The following SETDB1 variants were observed in gnomAD, a reference collection of about 807,000 sequenced individuals.
SETDB1 encodes histone-lysine N-methyltransferase SETDB1.
A neutral mutation model predicts 137.4 loss-of-function variants in SETDB1; 31 were observed. The observed-to-expected ratio is 0.23, with a 90% CI of 0.17 to 0.30. The LOEUF is 0.30. Ranked by LOEUF, SETDB1 falls within the 10% of genes least tolerant of loss-of-function variation. SETDB1 has a pLI of 1.00. For missense variants in SETDB1, 1,113 were observed against 1,631.5 expected, an observed-to-expected ratio of 0.68 and a Z score of 5.47; for synonymous variants, 548 against 579.9, an observed-to-expected ratio of 0.95 and a Z score of 0.79.
At chr1:150,935,576 T>A (rs1669920482) in intron 3 of SETDB1, among the ~76,000 whole-genome samples, 1 of 152,178 alleles carries the variant, frequency 6.6e-6, no homozygotes, top group African/African-American at 2.4e-5. Context: ...TTGGATAATT[T>A]CTCTATATGG....
chr1:150,932,375 G>A (rs748912704), intron 3 of SETDB1, among the ~76,000 whole-genome samples: 2 of 152,080 alleles, frequency 1.3e-5, no homozygotes. Context: ...TCCCTCCTCT[G>A]AGTTTGTATG....
At chr1:150,931,282 G>T (rs2867295) in intron 3 of SETDB1, among the ~76,000 whole-genome samples, 1 of 113,778 alleles carries the variant, frequency 8.8e-6, no homozygotes, top group Non-Finnish European at 1.8e-5. Context: ...AAAAAAAAAA[G>T]GGTTTCCAGA....
intron 17 of SETDB1, 74 bp from the exon 18 acceptor site, chr1:150,962,513 T>C (rs111631860): frequency 0.011 from 16,246 of 1,489,610 alleles, 108 homozygotes; most frequent in Middle Eastern, 0.013. Flanking sequence ...CAAATCTGCC[T>C]TCTCTCAAAC....
intron 4 of SETDB1, 98 bp downstream of exon 4, chr1:150,940,072 A>T: frequency 1.2e-6 from 1 of 809,100 alleles, no homozygotes; most frequent in Non-Finnish European, 2.1e-6. Flanking sequence ...TCAGTATCTA[A>T]TCATTCACCC....
chr1:150,962,011 C>T, intron 16 of SETDB1, 119 bp from the exon 17 acceptor site: 2 of 1,236,542 alleles, frequency 1.6e-6, no homozygotes, highest in South Asian at 2.4e-5. Context: ...ACCCACCCCA[C>T]TTTAGAATGT....
chr1:150,930,703 AATTTTTGT>A (rs1359073081), intron 3 of SETDB1, among the ~76,000 whole-genome samples: 2 of 151,468 alleles, frequency 1.3e-5, no homozygotes, highest in Admixed American at 6.6e-5. Flanking sequence ...ACACCCAGCT[AATTTTTGT>A]ATTTTTAGTA....
chr1:150,955,236 A>G (rs750755412), intron 14 of SETDB1, among the ~76,000 whole-genome samples: 1 of 152,258 alleles, frequency 6.6e-6, no homozygotes, highest in African/African-American at 2.4e-5. Context: ...ATGAGTGTTC[A>G]TATCTTTTTT....
chr1:150,962,925 G>A, intron 18 of SETDB1, 49 bp from the exon 19 acceptor site: 1 of 1,592,462 alleles, frequency 6.3e-7, no homozygotes, highest in Non-Finnish European at 8.6e-7. Flanking sequence ...GGACTTAAAG[G>A]AGCCCTTCCC....
intron 17 of SETDB1, 137 bp downstream of exon 17, chr1:150,962,295 A>C (rs1670847284): frequency 2.4e-6 from 2 of 823,598 alleles, no homozygotes; most frequent in African/African-American, 3.3e-5. Flanking sequence ...CAGCCTCCCT[A>C]GTAGCTGGGA....
At chr1:150,952,314 T>C (rs74127089) in intron 14 of SETDB1, among the ~76,000 whole-genome samples, 10,914 of 152,158 alleles carry the variant, frequency 0.072, 1,342 homozygotes, top group African/African-American at 0.25. Context: ...GAGATCGTTA[T>C]AGGAGTACAG....
intron 10 of SETDB1, among the ~76,000 whole-genome samples, chr1:150,948,836 C>T (rs767314137): frequency 4.0e-5 from 6 of 151,478 alleles, no homozygotes; most frequent in African/African-American, 4.9e-5. Context: ...GATTGTCCTG[C>T]GCCTTCCGAG....
At chr1:150,949,907 C>A (rs587768054) in intron 12 of SETDB1, among the ~76,000 whole-genome samples, 6 of 152,130 alleles carry the variant, frequency 3.9e-5, no homozygotes, top group Admixed American at 3.9e-4. Flanking sequence ...AATTCACAGG[C>A]AAATACATTT....
intron 5 of SETDB1, 57 bp from the exon 6 acceptor site, chr1:150,942,506 C>T: frequency 1.3e-6 from 2 of 1,510,778 alleles, no homozygotes; most frequent in Non-Finnish European, 1.8e-6. Context: ...CTTTACCTTC[C>T]CGTTCTCTAC....
rs587608544 is a variant in SETDB1, at chr1:150,929,817, G to T, written c.261-150G>T. 20 of 681,296 alleles carry T rather than the reference G, an allele frequency of 2.9e-5. No homozygotes were observed. In the East Asian group the frequency reaches 5.3e-4, roughly 18 times the overall value. The allele number at this position is 681,296 out of a possible 1,614,324, so 42.2% of individuals were successfully genotyped here. On this transcript the variant is annotated intron_variant, in intron 2 of 21. Coordinates refer to ENST00000692827, the MANE Select transcript of SETDB1 (RefSeq NM_001366418.1). ...TTTAAAACATTTTTCTATAGAAAAA[G>T]CATTCTAAATTCTAAACAGAGACAC...
At chr1:150,929,339 G>A (rs1235603553) in intron 2 of SETDB1, among the ~76,000 whole-genome samples, 2 of 151,640 alleles carry the variant, frequency 1.3e-5, no homozygotes, top group South Asian at 2.1e-4. Flanking sequence ...TTTCTCTGAT[G>A]GCCACTGATA....
intron 5 of SETDB1, 27 bp from the exon 6 acceptor site, chr1:150,942,536 T>C (rs746154792): frequency 1.3e-6 from 2 of 1,599,800 alleles, no homozygotes; most frequent in East Asian, 2.2e-5. Flanking sequence ...GTCATAACTC[T>C]TGAGAATAAC....
intron 7 of SETDB1, 98 bp from the exon 8 acceptor site, chr1:150,943,822 G>A: frequency 8.0e-6 from 6 of 753,722 alleles, no homozygotes; most frequent in East Asian, 2.5e-5. Flanking sequence ...GCATCGTGTT[G>A]TGATCCAGAG....
intron 3 of SETDB1, among the ~76,000 whole-genome samples, chr1:150,933,243 A>G (rs587688353): frequency 1.7e-4 from 26 of 151,838 alleles, no homozygotes; most frequent in African/African-American, 5.3e-4. Context: ...TTTTTGTAGT[A>G]GAGATAAGGT....
rs745933599 is a variant in SETDB1 at position 150,958,800 on chromosome 1, TG to T, written c.2334-377del. ...AGGAATTTCTCACATGTCTTTATTTTGTGCATCTATTTCTACAAATTGACCG... is the reference window on the plus strand; with the variant it reads ...AGGAATTTCTCACATGTCTTTATTTTTGCATCTATTTCTACAAATTGACCG... On this transcript the variant is annotated intron_variant, in intron 14 of 21. Coordinates refer to ENST00000692827, the MANE Select transcript of SETDB1 (RefSeq NM_001366418.1). Among the ~76,000 whole-genome samples, 247 of 152,278 alleles carry T rather than the reference TG, an allele frequency of 1.6e-3. 3 individuals carry two copies. Among genetic ancestry groups the T allele is most frequent in the Middle Eastern group, 3.4e-3 (1 of 294 alleles).
Sources: gnomAD v4.1 joint callset for allele counts (sites outside exome capture counted in the v4.1 genomes callset) on GRCh38, gnomAD v4.1.1 for gene constraint, MANE v1.5 for transcripts, NCBI Gene and HGNC (gene_info 2026-07-23, HGNC 2026-07-21) for gene names.